GUCY1B1: variants seen among roughly 807,000 people sequenced by gnomAD.
GUCY1B1 encodes the protein guanylate cyclase soluble subunit beta-1.
In GUCY1B1, 43 loss-of-function variants were observed where a neutral mutation model predicts 71.0. The observed-to-expected ratio is 0.61, with a 90% CI of 0.47 to 0.78. The LOEUF (loss-of-function observed/expected upper bound fraction) is 0.78, where lower values mean the gene tolerates loss of function less well. Ranked by LOEUF, GUCY1B1 falls within the 30% of genes least tolerant of loss-of-function variation. The pLI is 0.00. For synonymous variants in GUCY1B1, 266 were observed against 259.7 expected, an observed-to-expected ratio of 1.02 and a Z score of -0.23; for missense variants, 535 against 754.1, an observed-to-expected ratio of 0.71 and a Z score of 3.40.
chr4:155,805,091 C>A lies in GUCY1B1; in HGVS notation c.1710-12C>A. ...ATACTTCTCTCTCTACTCCCCTTCC[C>A]TTGTCTTTTAGATGTCTTATGTCTC... is the stretch of plus-strand genomic sequence containing the variant. On this transcript the variant is annotated splice_polypyrimidine_tract_variant and intron_variant, in intron 12 of 13. Coordinates refer to ENST00000264424, the MANE Select transcript of GUCY1B1 (RefSeq NM_000857.5). The A allele has an allele frequency of 6.2e-7, 1 of 1,609,118 alleles. No individual in the cohort carries two copies. The highest frequency in any genetic ancestry group is 1.1e-5 in the South Asian group (1 of 90,708).
Position 155,759,107 on chromosome 4 carries a change from G to T in GUCY1B1, c.-34G>T. The T allele has an allele frequency of 6.3e-7, 1 of 1,587,792 alleles. No individual in the cohort carries two copies. ...GGTCCCTTCGGCCGTACCTCTGCGT[G>T]GGGGCTGCCTCCCCGGCTCCCGGTG... On this transcript the variant is annotated 5_prime_UTR_variant, in exon 1 of 14. Transcript: ENST00000264424.
In GUCY1B1 at chr4:155,777,601, A is replaced by AT; in HGVS notation, c.257dup (p.Arg88AlafsTer6). The stretch of plus-strand genomic sequence containing the variant: ...TTGCCAAGAATCTGGTTATGATACA[A>AT]TCTTGCGTGTCCTGGGCTCTAATGT... On this transcript the variant is annotated frameshift_variant, in exon 4 of 14. Coordinates refer to ENST00000264424, the MANE Select transcript of GUCY1B1 (RefSeq NM_000857.5). LOFTEE classifies it high-confidence loss of function. 6.2e-7 allele frequency: 1 copy of AT among 1,606,514 alleles called. No individual in the cohort carries two copies. Among genetic ancestry groups the AT allele is most frequent in the Non-Finnish European group, 8.5e-7 (1 of 1,173,132 alleles).
intron 2 of GUCY1B1, among the ~76,000 whole-genome samples, chr4:155,766,812 C>G (rs1485613307): frequency 6.6e-6 from 1 of 152,176 alleles, no homozygotes; most frequent in Non-Finnish European, 1.5e-5. Context: ...GTGTCATAGA[C>G]TGTAACTCAG....
In GUCY1B1 at chr4:155,795,308, T is replaced by C. The variant is rs79990174; in HGVS notation, c.727-33T>C. On this transcript the variant is annotated intron_variant, in intron 6 of 13. Transcript: ENST00000264424. ...AAAGTATAAAAACTATTTTAACTGA[T>C]GTGATACTCTTTGCTCTCTATCTAT... The C allele has an allele frequency of 3.5e-3, 3,566 of 1,030,368 alleles. 78 individuals carry two copies. The African/African-American group carries it at 0.049, about 14-fold the overall frequency. The allele number at this position is 1,030,368 out of a possible 1,614,324, so 63.8% of individuals were successfully genotyped here. A position where few individuals can be genotyped will look rare whatever the true frequency, so the allele number is the denominator to read the frequency against.
chr4:155,791,757 T>G (rs1028143391), intron 5 of GUCY1B1, among the ~76,000 whole-genome samples: 1 of 125,148 alleles, frequency 8.0e-6, no homozygotes, highest in African/African-American at 3.1e-5. Flanking sequence ...AAAAAAAAAA[T>G]AAAGCAAAAC....
intron 4 of GUCY1B1, among the ~76,000 whole-genome samples, chr4:155,781,999 T>TTTTTC (rs1561014133): frequency 6.6e-6 from 1 of 152,168 alleles, no homozygotes; most frequent in African/African-American, 2.4e-5. Context: ...ACTTTTTTAT[T>TTTTTC]CATAAATTGA....
At chr4:155,781,396 A>G (rs79431284) in intron 4 of GUCY1B1, among the ~76,000 whole-genome samples, 1,625 of 152,298 alleles carry the variant, frequency 0.011, 33 homozygotes, top group African/African-American at 0.037. Context: ...ACGAATACTA[A>G]CATATCTTTC....
Position 155,795,081 on chromosome 4 carries a change from A to G in GUCY1B1, c.727-260A>G, listed in dbSNP as rs558176680. On this transcript the variant is annotated intron_variant, in intron 6 of 13. Transcript: ENST00000264424. ...CCTTCTGAAAATGCATTGTAAATTT[A>G]TGCTAGCTTACATTTGAATATTAGT... Among the ~76,000 whole-genome samples the G allele has an allele frequency of 1.8e-4, 27 of 152,330 alleles. 2 individuals carry two copies. In the South Asian group the frequency reaches 4.6e-3, roughly 26 times the overall value.
chr4:155,788,779 T>G (rs1414211914), intron 4 of GUCY1B1, among the ~76,000 whole-genome samples: 1 of 152,228 alleles, frequency 6.6e-6, no homozygotes, highest in African/African-American at 2.4e-5. Flanking sequence ...TAAACCCATG[T>G]CTACTTGATC....
chr4:155,789,624 G>A (rs1014258150), intron 4 of GUCY1B1, 90 bp from the exon 5 acceptor site: 12 of 734,068 alleles, frequency 1.6e-5, no homozygotes, highest in Non-Finnish European at 2.6e-5. Context: ...ACTAGACTCC[G>A]ATTTGACTCG....
chr4:155,799,370 A>T (rs17033558), intron 8 of GUCY1B1, among the ~76,000 whole-genome samples: 31,018 of 152,132 alleles, frequency 0.2, 3,351 homozygotes, highest in Middle Eastern at 0.36. Flanking sequence ...TTACATGCTG[A>T]GGCTGGGTCA....
chr4:155,759,392 C>T, intron 1 of GUCY1B1: 1 of 544,322 alleles, frequency 1.8e-6, no homozygotes, highest in East Asian at 3.3e-5. Context: ...TTCCTGAGCT[C>T]GGGAAGGGGA....
chr4:155,777,536 G>C lies in GUCY1B1; in HGVS notation c.191G>C (p.Gly64Ala). 5 of 1,584,934 alleles carry C rather than the reference G, an allele frequency of 3.2e-6. No homozygotes were observed. Among genetic ancestry groups the C allele is most frequent in the Non-Finnish European group, 4.3e-6 (5 of 1,153,732 alleles). Residue 64 changes from glycine (G) to alanine (A), a missense_variant, in exon 4 of 14, where the codon GGA becomes GCA. Coordinates refer to ENST00000264424, the MANE Select transcript of GUCY1B1 (RefSeq NM_000857.5). ...AASKVLNLNAGEILQMFGKMF... is the reference protein window; with the variant it reads ...AASKVLNLNAAEILQMFGKMF... ...ATTTGTAAAATAGATCTCAATGCTG[G>C]AGAAATCCTCCAAATGTTTGGGAAG...
At chr4:155,804,068 A>G (rs964669206) in intron 11 of GUCY1B1, among the ~76,000 whole-genome samples, 2 of 152,180 alleles carry the variant, frequency 1.3e-5, no homozygotes, top group African/African-American at 2.4e-5. Context: ...CTAGATTCAC[A>G]TCTTTGAAAT....
chr4:155,794,094 G>T lies in GUCY1B1; in HGVS notation c.726+8G>T. On this transcript the variant is annotated splice_region_variant and intron_variant, in intron 6 of 13. Coordinates refer to ENST00000264424, the MANE Select transcript of GUCY1B1 (RefSeq NM_000857.5). ...TACAGAGTTCTCCCCCAGGTAAAAT[G>T]ACAGCATACTTCCTTGGGGCCTGAG... 6.9e-7 allele frequency: 1 copy of T among 1,449,536 alleles called. No individual in the cohort carries two copies. Among genetic ancestry groups the T allele is most frequent in the Non-Finnish European group, 9.7e-7 (1 of 1,031,590 alleles). 89.8% of individuals were successfully genotyped at this position (1,449,536 alleles called of 1,614,324 possible). A position where few individuals can be genotyped will look rare whatever the true frequency, so the allele number is the denominator to read the frequency against.
rs3796557 is a variant in GUCY1B1, at chr4:155,761,515, A to G, written c.77+1655A>G. On this transcript the variant is annotated intron_variant, in intron 2 of 13. Transcript: ENST00000264424. Reference sequence around the variant, plus strand: ...CATTATGTAATTTAACCAGATTTAGATTGTATATCCTAGCCATTATCAGTT... The same window carrying G: ...CATTATGTAATTTAACCAGATTTAGGTTGTATATCCTAGCCATTATCAGTT... Among the ~76,000 whole-genome samples the G allele has an allele frequency of 3.9e-5, 6 of 152,338 alleles. No individual in the cohort carries two copies. In the East Asian group the frequency reaches 9.6e-4, roughly 24 times the overall value.
chr4:155,801,727 A>C (rs1303490767), intron 9 of GUCY1B1, among the ~76,000 whole-genome samples: 2 of 152,162 alleles, frequency 1.3e-5, no homozygotes, highest in East Asian at 3.9e-4. Context: ...CTGTGTGCTC[A>C]CATTTGTCCC....
chr4:155,779,317 T>G (rs1430523953), intron 4 of GUCY1B1, among the ~76,000 whole-genome samples: 1 of 152,132 alleles, frequency 6.6e-6, no homozygotes, highest in African/African-American at 2.4e-5. Flanking sequence ...TGTACATACA[T>G]ACATACACAC....
At chr4:155,772,375 G>A (rs1437295081) in intron 2 of GUCY1B1, among the ~76,000 whole-genome samples, 1 of 152,272 alleles carries the variant, frequency 6.6e-6, no homozygotes, top group South Asian at 2.1e-4. Context: ...ATTATCTGTT[G>A]CTTCCACTTC....
Sources: gnomAD v4.1 joint callset for allele counts (sites outside exome capture counted in the v4.1 genomes callset) on GRCh38, gnomAD v4.1.1 for gene constraint, MANE v1.5 for transcripts, NCBI Gene and HGNC (gene_info 2026-07-23, HGNC 2026-07-21) for gene names.